The following DLEC1 variants were observed in gnomAD, a reference collection of about 807,000 sequenced individuals.
The protein encoded by DLEC1 is deleted in lung and esophageal cancer protein 1.
DLEC1 carries 146 observed loss-of-function variants against 198.1 expected under a neutral mutation model. The observed-to-expected ratio is 0.74, with a 90% CI of 0.64 to 0.85. The LOEUF is 0.85. Among genes scored for constraint, DLEC1 ranks in the 40% least tolerant of loss-of-function variants. DLEC1 has a pLI of 0.00. For missense variants in DLEC1, 2,233 were observed against 2,220.0 expected (o/e 1.01, Z -0.12); for synonymous variants, 897 against 866.8 (o/e 1.03, Z -0.61).
rs781271079 is a variant in DLEC1 at position 38,086,335 on chromosome 3, C to T, written c.1530C>T (p.Phe510=). The part of the protein sequence containing the change: ...CKNVGFSVGR[F]CIMPKTSWPP... ...ATGTGGGTTTCAGTGTTGGCAGGTTCTGCATTATGCCCAAAACAAGCTGGC... is the reference window on the plus strand; with the variant it reads ...ATGTGGGTTTCAGTGTTGGCAGGTTTTGCATTATGCCCAAAACAAGCTGGC... The change falls in exon 9 of 37, where the codon TTC becomes TTT. Residue 510 remains phenylalanine, a synonymous_variant. Coordinates refer to ENST00000308059, the MANE Select transcript of DLEC1 (RefSeq NM_007335.4). 51 of 1,612,470 alleles carry T rather than the reference C, an allele frequency of 3.2e-5. No individual in the cohort carries two copies. The highest frequency in any genetic ancestry group is 4.2e-5 in the Non-Finnish European group (50 of 1,179,252).
At chr3:38,072,374 T>C (rs909325393) in intron 6 of DLEC1, among the ~76,000 whole-genome samples, 1 of 152,060 alleles carries the variant, frequency 6.6e-6, no homozygotes, top group African/African-American at 2.4e-5. Context: ...CAGCAGCCAC[T>C]GCACGGAGAC....
chr3:38,058,268 T>C (rs1184397526), intron 2 of DLEC1, among the ~76,000 whole-genome samples: 1 of 152,156 alleles, frequency 6.6e-6, no homozygotes, highest in Non-Finnish European at 1.5e-5. Context: ...TGTTGAGGGA[T>C]GGGATGAAGG....
At chr3:38,109,830 C>T in intron 22 of DLEC1, 1 of 701,772 alleles carries the variant, frequency 1.4e-6, no homozygotes, top group Non-Finnish European at 2.3e-6. Context: ...GCTGTAGGTA[C>T]CCTGGGCTTG....
In DLEC1 at chr3:38,039,314, C is replaced by T. The variant is rs370091458; in HGVS notation, c.89C>T (p.Pro30Leu). The change falls in exon 1 of 37, where the codon CCA becomes CTA. Residue 30 changes from proline to leucine, a missense_variant. By Grantham distance (98) the Pro-to-Leu change is moderately conservative (BLOSUM62 -3). Transcript: ENST00000308059. ...QGTMWAPTSP[P>L]AGSSSPSQPT... ...ACAATGTGGGCGCCAACTTCGCCAC[C>T]AGCCGGGTCCAGCAGCCCCAGCCAG... The T allele has an allele frequency of 6.2e-7, 1 of 1,614,228 alleles. No individual in the cohort carries two copies. The highest frequency in any genetic ancestry group is 1.1e-5 in the South Asian group (1 of 91,086).
At chr3:38,097,068 C>T (rs1257539667) in intron 15 of DLEC1, 114 bp from the exon 16 acceptor site, 2 of 1,059,456 alleles carry the variant, frequency 1.9e-6, no homozygotes, top group Non-Finnish European at 2.7e-6. Flanking sequence ...CAGGAATTAG[C>T]CGGGAAGTGT....
chr3:38,108,608 A>G lies in DLEC1; in HGVS notation c.3129+93A>G, dbSNP rs1370685645. On this transcript the variant is annotated intron_variant, in intron 21 of 36. Transcript: ENST00000308059. Reference sequence around the variant, plus strand: ...CCAGGGAGGCCCTAGCTTAGGCCACATTGCTGGTTCTTGTGGGTGGGGAAG... The same window carrying G: ...CCAGGGAGGCCCTAGCTTAGGCCACGTTGCTGGTTCTTGTGGGTGGGGAAG... 31 of 977,404 alleles carry G rather than the reference A, an allele frequency of 3.2e-5. No individual in the cohort carries two copies. The Admixed American group carries it at 5.1e-4, about 16-fold the overall frequency. The allele number at this position is 977,404 out of a possible 1,614,324, so 60.5% of individuals were successfully genotyped here.
At chr3:38,053,724 G>C (rs1018725572) in intron 2 of DLEC1, among the ~76,000 whole-genome samples, 1 of 152,270 alleles carries the variant, frequency 6.6e-6, no homozygotes, top group African/African-American at 2.4e-5. Context: ...AACGGGCCAT[G>C]ATGACGATGG....
rs538480489 is a variant in DLEC1, at chr3:38,110,205, C to T, written c.3367C>T (p.Pro1123Ser). The T allele has an allele frequency of 3.2e-5, 51 of 1,614,114 alleles. No homozygotes were observed. Among genetic ancestry groups the T allele is most frequent in the Non-Finnish European group, 4.2e-5 (49 of 1,180,050 alleles). The change falls in exon 23 of 37, where the codon CCA becomes TCA. Residue 1123 changes from proline (P) to serine (S), a missense_variant. By Grantham distance (74) the Pro-to-Ser change is moderately conservative (BLOSUM62 -1). Coordinates refer to ENST00000308059, the MANE Select transcript of DLEC1 (RefSeq NM_007335.4). ...CCAGCTCATTCTCACCAATCGCTCCCCAATACGGACCCGTTTCTCCCTCAA... is the reference window on the plus strand; with the variant it reads ...CCAGCTCATTCTCACCAATCGCTCCTCAATACGGACCCGTTTCTCCCTCAA... Reference protein sequence around the residue: ...TRQLILTNRSPIRTRFSLKFE... With the variant: ...TRQLILTNRSSIRTRFSLKFE...
intron 16 of DLEC1, 37 bp downstream of exon 16, chr3:38,097,312 TG>T: frequency 6.4e-7 from 1 of 1,554,478 alleles, no homozygotes; most frequent in Non-Finnish European, 8.7e-7. Context: ...GTGACCTGCC[TG>T]GGGCTGGCTC....
rs1448191288 is a variant in DLEC1 at position 38,114,348 on chromosome 3, G to C, written c.3673G>C (p.Asp1225His). 1 of 1,614,076 alleles carries C rather than the reference G, an allele frequency of 6.2e-7. No individual in the cohort carries two copies. The highest frequency in any genetic ancestry group is 8.5e-7 in the Non-Finnish European group (1 of 1,179,954). The change falls in exon 26 of 37, where the codon GAC becomes CAC. Residue 1225 changes from aspartate (D) to histidine (H), a missense_variant. Transcript: ENST00000308059. ...GGCTGGGGTGTGTTTGCAGGTGGGA[G>C]ACCTGCTGCCGGAAGTCATCCCAGT... ...YWDNLICTVG[D>H]LLPEVIPVHM...
intron 1 of DLEC1, among the ~76,000 whole-genome samples, chr3:38,042,552 CT>C (rs71635860): frequency 0.013 from 1,373 of 104,736 alleles, 3 homozygotes; most frequent in African/African-American, 0.041. Flanking sequence ...ATGTTGCTGG[CT>C]TTTTTTTTTT....
rs1699092669 is a variant in DLEC1, at chr3:38,097,561, C to G, written c.2489C>G (p.Pro830Arg). Reference protein sequence around the residue: ...ELNFTGGVPGPTSQDLLCEIE... With the variant: ...ELNFTGGVPGRTSQDLLCEIE... The stretch of plus-strand genomic sequence containing the variant: ...AACTTTACTGGGGGTGTCCCTGGCC[C>G]CACAAGCCAGGACCTGCTGTGTGAA... Residue 830 changes from proline to arginine, a missense_variant, in exon 17 of 37, where the codon CCC becomes CGC. Coordinates refer to ENST00000308059, the MANE Select transcript of DLEC1 (RefSeq NM_007335.4). 3 of 1,614,068 alleles carry G rather than the reference C, an allele frequency of 1.9e-6. No homozygotes were observed. Among genetic ancestry groups the G allele is most frequent in the Non-Finnish European group, 2.5e-6 (3 of 1,180,052 alleles).
At position 38,123,341 on chromosome 3, in the gene DLEC1, G is replaced by A. The variant is rs1700583663; in HGVS notation, c.*929G>A. 5.3e-6 allele frequency: 3 copies of A among 561,246 alleles called. No homozygotes were observed. Among genetic ancestry groups the A allele is most frequent in the Non-Finnish European group, 9.6e-6 (3 of 312,782 alleles). The allele number at this position is 561,246 out of a possible 1,614,324, so 34.8% of individuals were successfully genotyped here. A position where few individuals can be genotyped will look rare whatever the true frequency, so the allele number is the denominator to read the frequency against. On this transcript the variant is annotated 3_prime_UTR_variant, in exon 37 of 37. Coordinates refer to ENST00000308059, the MANE Select transcript of DLEC1 (RefSeq NM_007335.4). ...CAAGGCTGGCCCTTAAGGAAAACAG[G>A]GATCATGCCCCTACATCCTAAGTTC...
At chr3:38,107,816 C>CTCT in intron 20 of DLEC1, 79 bp downstream of exon 20, 1 of 1,492,000 alleles carries the variant, frequency 6.7e-7, no homozygotes, top group Non-Finnish European at 9.1e-7. Flanking sequence ...CATTGTCCCC[C>CTCT]AAATATCCTC....
intron 25 of DLEC1, 54 bp from the exon 26 acceptor site, chr3:38,114,288 G>A: frequency 6.3e-7 from 1 of 1,576,154 alleles, no homozygotes; most frequent in Non-Finnish European, 8.7e-7. Flanking sequence ...TGCCCAGAGG[G>A]GATGTGGTCG....
intron 34 of DLEC1, 130 bp from the exon 35 acceptor site, chr3:38,121,498 C>G: frequency 1.6e-6 from 2 of 1,224,072 alleles, no homozygotes; most frequent in Non-Finnish European, 2.2e-6. Flanking sequence ...CGCTGGTCCC[C>G]TGCCAACTTC....
intron 32 of DLEC1, 55 bp from the exon 33 acceptor site, chr3:38,117,751 G>A (rs1217351173): frequency 1.2e-6 from 2 of 1,608,998 alleles, no homozygotes; most frequent in Non-Finnish European, 8.5e-7. Context: ...AGAGCCATGG[G>A]GTTGAAGAGA....
chr3:38,103,961 T>C (rs1240591878), intron 19 of DLEC1, among the ~76,000 whole-genome samples: 2 of 152,168 alleles, frequency 1.3e-5, no homozygotes, highest in Non-Finnish European at 2.9e-5. Context: ...ATAACAGCTA[T>C]AGCAAAAAAG....
At position 38,045,677 on chromosome 3, in the gene DLEC1, T is replaced by G. The variant is rs202209811; in HGVS notation, c.546T>G (p.Leu182=). 6.2e-7 allele frequency: 1 copy of G among 1,612,682 alleles called. No individual in the cohort carries two copies. Among genetic ancestry groups the G allele is most frequent in the Non-Finnish European group, 8.5e-7 (1 of 1,179,444 alleles). ...SQAGVQDLES[L]VRLPPVKSVS... ...CTGGAGTACAGGACCTCGAGAGCCT[T>G]GTCAGGTTGCCTCCAGGTGTGTATA... The change falls in exon 2 of 37, where the codon CTT becomes CTG. Residue 182 remains leucine, a synonymous_variant. Transcript: ENST00000308059.
Sources: gnomAD v4.1 joint callset for allele counts (sites outside exome capture counted in the v4.1 genomes callset) on GRCh38, gnomAD v4.1.1 for gene constraint, MANE v1.5 for transcripts, NCBI Gene and HGNC (gene_info 2026-07-23, HGNC 2026-07-21) for gene names.